ADAM19: variants seen among roughly 807,000 people sequenced by gnomAD.
ADAM19 encodes ADAM metallopeptidase domain 19.
A neutral mutation model predicts 114.7 loss-of-function variants in ADAM19; 65 were observed. The observed-to-expected ratio is 0.57, with a 90% CI of 0.46 to 0.70. ADAM19 has a LOEUF of 0.70. Ranked by LOEUF, ADAM19 falls within the 30% of genes least tolerant of loss-of-function variation. ADAM19 has a pLI of 0.00. For missense variants in ADAM19, 1,063 were observed against 1,204.7 expected (o/e 0.88, Z 1.74); for synonymous variants, 466 against 460.5 (o/e 1.01, Z -0.15).
rs550918575 is a variant in ADAM19, at chr5:157,549,074, T to C, written c.252-11083A>G. On this transcript the variant is annotated intron_variant, in intron 3 of 22. Transcript: ENST00000257527. ...GCTCCATCCACCAAGTACACCTCCA[T>C]CCTCTTGGCTCAGCCCAAATTGTTC... Among the ~76,000 whole-genome samples the C allele has an allele frequency of 4.6e-5, 7 of 152,062 alleles. No individual in the cohort carries two copies. The South Asian group carries it at 8.3e-4, about 18-fold the overall frequency.
rs1382714109 is a variant in ADAM19 at position 157,502,850 on chromosome 5, T to C, written c.1261A>G (p.Asn421Asp). The C allele has an allele frequency of 2.5e-6, 4 of 1,614,026 alleles. No individual in the cohort carries two copies. In the Admixed American group the frequency reaches 6.7e-5, roughly 27 times the overall value. Residue 421 changes from asparagine to aspartate, a missense_variant, in exon 12 of 23, where the codon AAC becomes GAC. Asn to Asp is a conservative substitution (Grantham distance 23, BLOSUM62 1). Coordinates refer to ENST00000257527, the MANE Select transcript of ADAM19 (RefSeq NM_033274.5). The part of the protein sequence containing the change: ...RMLYGGRRCG[N>D]GYLEDGEECD... ...TCTTCCCCATCTTCCAGATACCCGT[T>C]CCCACACCTCCGGCCTCCATACAAC...
intron 2 of ADAM19, among the ~76,000 whole-genome samples, chr5:157,566,899 T>A (rs1209682353): frequency 6.6e-6 from 1 of 152,202 alleles, no homozygotes. Context: ...CTTGAACTCC[T>A]GGGCTCATGT....
At chr5:157,524,562 G>A (rs138920407) in intron 5 of ADAM19, among the ~76,000 whole-genome samples, 1 of 152,290 alleles carries the variant, frequency 6.6e-6, no homozygotes, top group African/African-American at 2.4e-5. Flanking sequence ...TATACCCAGA[G>A]GTGCCCTAAA....
intron 1 of ADAM19, chr5:157,572,322 G>A (rs775912728): frequency 8.8e-6 from 4 of 455,170 alleles, no homozygotes; most frequent in Non-Finnish European, 1.8e-5. Context: ...AACTATAGGA[G>A]AGATTTGTTC....
chr5:157,549,894 A>T (rs549628996), intron 3 of ADAM19, among the ~76,000 whole-genome samples: 6 of 152,244 alleles, frequency 3.9e-5, no homozygotes, highest in Non-Finnish European at 7.3e-5. Context: ...AATGTGGTAT[A>T]TCTATATAAT....
chr5:157,518,460 C>CT, intron 7 of ADAM19, among the ~76,000 whole-genome samples: 1 of 152,332 alleles, frequency 6.6e-6, no homozygotes, highest in African/African-American at 2.4e-5. Flanking sequence ...TCTCAGCTCA[C>CT]TGCAACCTCC....
chr5:157,492,151 G>T (rs1755193203), intron 16 of ADAM19, among the ~76,000 whole-genome samples: 1 of 152,176 alleles, frequency 6.6e-6, no homozygotes, highest in Non-Finnish European at 1.5e-5. Flanking sequence ...AATTAGCTGG[G>T]CCTGGTGGCC....
intron 21 of ADAM19, among the ~76,000 whole-genome samples, chr5:157,482,177 G>A (rs560561749): frequency 1.3e-5 from 2 of 152,250 alleles, no homozygotes; most frequent in African/African-American, 2.4e-5. Context: ...TTTTTCATAT[G>A]TTTGTTGGCT....
rs1185150059 is a variant in ADAM19 at position 157,480,506 on chromosome 5, T to A, written c.*443A>T. The A allele has an allele frequency of 2.7e-5, 27 of 997,150 alleles. No individual in the cohort carries two copies. The highest frequency in any genetic ancestry group is 3.1e-5 in the Non-Finnish European group (26 of 837,468). 61.8% of individuals were successfully genotyped at this position (997,150 alleles called of 1,614,324 possible). A position where few individuals can be genotyped will look rare whatever the true frequency, so the allele number is the denominator to read the frequency against. On this transcript the variant is annotated 3_prime_UTR_variant, in exon 23 of 23. Coordinates refer to ENST00000257527, the MANE Select transcript of ADAM19 (RefSeq NM_033274.5). ...AGGGGTGGGTAAGTACCAGCCTCCATCCAGCCCGGGACCTCTGAGGAGAGC... is the reference window on the plus strand; with the variant it reads ...AGGGGTGGGTAAGTACCAGCCTCCAACCAGCCCGGGACCTCTGAGGAGAGC...
chr5:157,556,498 C>T (rs190524814), intron 3 of ADAM19, among the ~76,000 whole-genome samples: 2 of 152,192 alleles, frequency 1.3e-5, no homozygotes, highest in Admixed American at 6.5e-5. Context: ...GGATTACAGG[C>T]GTGAGCCACC....
chr5:157,490,217 C>A (rs954450831), intron 19 of ADAM19, 93 bp downstream of exon 19: 33 of 1,443,472 alleles, frequency 2.3e-5, no homozygotes, highest in Admixed American at 7.0e-5. Context: ...CTGAATTAGA[C>A]CCACTATCAC....
intron 18 of ADAM19, among the ~76,000 whole-genome samples, chr5:157,490,903 A>AC (rs1479611453): frequency 2.0e-5 from 3 of 151,730 alleles, no homozygotes; most frequent in Non-Finnish European, 4.4e-5. Context: ...AAAAAAAAAA[A>AC]AAAACAAAGA....
intron 4 of ADAM19, 103 bp downstream of exon 4, chr5:157,537,810 C>T: frequency 9.9e-7 from 1 of 1,010,516 alleles, no homozygotes; most frequent in Non-Finnish European, 1.5e-6. Flanking sequence ...GGGAAACACT[C>T]CCTTCAGAGG....
intron 8 of ADAM19, among the ~76,000 whole-genome samples, chr5:157,509,698 T>G (rs577216984): frequency 1.3e-5 from 2 of 152,332 alleles, no homozygotes; most frequent in South Asian, 2.1e-4. Flanking sequence ...TTACTGACAT[T>G]TTTTAGAAAG....
At chr5:157,491,130 A>AT (rs150437488) in intron 18 of ADAM19, among the ~76,000 whole-genome samples, 3,036 of 150,984 alleles carry the variant, frequency 0.02, 101 homozygotes, top group African/African-American at 0.069. Flanking sequence ...GTTATTTGCT[A>AT]TTTTTTTTAA....
intron 5 of ADAM19, among the ~76,000 whole-genome samples, chr5:157,527,489 C>T (rs1324327266): frequency 6.6e-6 from 1 of 152,146 alleles, no homozygotes; most frequent in Non-Finnish European, 1.5e-5. Flanking sequence ...GGATTACAGG[C>T]GTAAGCCACC....
chr5:157,533,285 A>G (rs1186432472), intron 4 of ADAM19, among the ~76,000 whole-genome samples: 1 of 152,198 alleles, frequency 6.6e-6, no homozygotes, highest in Non-Finnish European at 1.5e-5. Context: ...CTTTGCATCA[A>G]ACTCTTCTGG....
At chr5:157,510,986 C>A (rs906478128) in intron 8 of ADAM19, among the ~76,000 whole-genome samples, 2 of 152,134 alleles carry the variant, frequency 1.3e-5, no homozygotes, top group African/African-American at 2.4e-5. Context: ...AGGGTTTTGT[C>A]CAAACCAGAG....
rs143939363 is a variant in ADAM19 at position 157,552,636 on chromosome 5, G to A, written c.251+11737C>T. On this transcript the variant is annotated intron_variant, in intron 3 of 22. Coordinates refer to ENST00000257527, the MANE Select transcript of ADAM19 (RefSeq NM_033274.5). ...GGAGGTTGCAGTGAGCCGAGATTGT[G>A]CCATTGCATTCCAGCCTGGGTGACA... 7.1e-3 allele frequency among the ~76,000 whole-genome samples: 1,011 copies of A among 141,430 alleles called. 14 individuals are homozygous for A. Among genetic ancestry groups the A allele is most frequent in the African/African-American group, 0.026 (976 of 37,752 alleles). 92.8% of individuals were successfully genotyped at this position (141,430 alleles called of 152,430 possible). A position where few individuals can be genotyped will look rare whatever the true frequency, so the allele number is the denominator to read the frequency against.
Sources: allele counts gnomAD v4.1 joint callset (sites outside exome capture counted in the v4.1 genomes callset), GRCh38; gene constraint gnomAD v4.1.1; transcripts MANE v1.5; gene names NCBI Gene and HGNC (gene_info 2026-07-23, HGNC 2026-07-21).